Variants in LTB4R observed in about 807,000 individuals in gnomAD.
LTB4R encodes the protein leukotriene B4 receptor.
For missense variants in LTB4R, 470 were observed against 485.6 expected (o/e 0.97, Z 0.30); for synonymous variants, 250 against 230.7 (o/e 1.08, Z -0.76).
Position 24,316,486 on chromosome 14 carries a change from A to C in LTB4R, c.835A>C (p.Ser279Arg), listed in dbSNP as rs1446793612. 2 of 1,555,878 alleles carry C rather than the reference A, an allele frequency of 1.3e-6. No homozygotes were observed. Among genetic ancestry groups the C allele is most frequent in the Non-Finnish European group, 1.7e-6 (2 of 1,153,038 alleles). ...VLIALAFLSSSVNPVLYACAG... is the reference protein window; with the variant it reads ...VLIALAFLSSRVNPVLYACAG... The stretch of plus-strand genomic sequence containing the variant: ...CATCGCACTCGCCTTCCTGAGCAGC[A>C]GCGTGAACCCCGTGCTGTACGCGTG... The change falls in exon 2 of 2, where the codon AGC (serine) becomes CGC (arginine). Residue 279 changes from serine to arginine, a missense_variant. By Grantham distance (110) the Ser-to-Arg change is moderately radical. Transcript: ENST00000345363.
At position 24,315,922 on chromosome 14, in the gene LTB4R, C is replaced by A. The variant is rs754290988; in HGVS notation, c.271C>A (p.Arg91Ser). The A allele has an allele frequency of 1.9e-6, 3 of 1,614,078 alleles. No individual in the cohort carries two copies. Among genetic ancestry groups the A allele is most frequent in the Non-Finnish European group, 2.5e-6 (3 of 1,180,060 alleles). The change falls in exon 2 of 2, where the codon CGC becomes AGC. Residue 91 changes from arginine (R) to serine (S), a missense_variant. Transcript: ENST00000345363. Reference sequence around the variant, plus strand: ...CTGGAGTTTTGGACTGGCTGGTTGCCGCCTGTGTCACTATGTCTGCGGAGT... The same window carrying A: ...CTGGAGTTTTGGACTGGCTGGTTGCAGCCTGTGTCACTATGTCTGCGGAGT... ...GTWSFGLAGC[R>S]LCHYVCGVSM...
rs1334378971 is a variant in LTB4R, at chr14:24,315,949, A to G, written c.298A>G (p.Ser100Gly). The G allele has an allele frequency of 1.2e-6, 2 of 1,613,986 alleles. No homozygotes were observed. The highest frequency in any genetic ancestry group is 1.3e-5 in the African/African-American group (1 of 74,936). ...CRLCHYVCGVSMYASVLLITA... is the reference protein window; with the variant it reads ...CRLCHYVCGVGMYASVLLITA... Reference sequence around the variant, plus strand: ...CCTGTGTCACTATGTCTGCGGAGTCAGCATGTACGCCAGCGTCCTGCTTAT... The same window carrying G: ...CCTGTGTCACTATGTCTGCGGAGTCGGCATGTACGCCAGCGTCCTGCTTAT... The change falls in exon 2 of 2, where the codon AGC (serine) becomes GGC (glycine). Residue 100 changes from serine to glycine, a missense_variant. Physicochemically the swap from Ser to Gly is moderately conservative, Grantham distance 56 (BLOSUM62 0). Coordinates refer to ENST00000345363, the MANE Select transcript of LTB4R (RefSeq NM_001143919.3).
chr14:24,315,448 A>G (rs907407536), intron 1 of LTB4R, among the ~76,000 whole-genome samples, 189 bp from the exon 2 acceptor site: 10 of 152,082 alleles, frequency 6.6e-5, no homozygotes, highest in African/African-American at 2.4e-4. Context: ...CAGTTAGGAA[A>G]CTAGTCTTTG....
In LTB4R at chr14:24,316,123, G is replaced by A; in HGVS notation, c.472G>A (p.Val158Ile). 1 of 1,613,788 alleles carries A rather than the reference G, an allele frequency of 6.2e-7. No individual in the cohort carries two copies. Among genetic ancestry groups the A allele is most frequent in the Non-Finnish European group, 8.5e-7 (1 of 1,180,048 alleles). Reference protein sequence around the residue: ...LATPVLAYRTVVPWKTNMSLC... With the variant: ...LATPVLAYRTIVPWKTNMSLC... ...CACACCCGTCCTCGCGTACCGCACA[G>A]TAGTGCCCTGGAAAACGAACATGAG... Residue 158 changes from valine (V) to isoleucine (I), a missense_variant, in exon 2 of 2, where the codon GTA becomes ATA. Transcript: ENST00000345363.
intron 1 of LTB4R, among the ~76,000 whole-genome samples, chr14:24,312,363 C>T (rs1045122370): frequency 1.3e-5 from 2 of 152,166 alleles, no homozygotes; most frequent in Non-Finnish European, 2.9e-5. Flanking sequence ...AGGAAGTTTT[C>T]CTGCCTGTCT....
chr14:24,313,312 C>T (rs1295134049), intron 1 of LTB4R: 1 of 152,134 alleles, frequency 6.6e-6, no homozygotes, highest in Non-Finnish European at 1.5e-5. Flanking sequence ...TTGCACATTG[C>T]CATTCTCTCA....
Position 24,316,854 on chromosome 14 carries a change from G to A in LTB4R, c.*144G>A, listed in dbSNP as rs1046587. ...GAGTGGAGTGGAAGAAGAGGGAGAG[G>A]TGGAGCAAAGTGAGGGCCGAGTGAG... On this transcript the variant is annotated 3_prime_UTR_variant, in exon 2 of 2. Transcript: ENST00000345363. 0.44 allele frequency: 273,719 copies of A among 624,980 alleles called. 63,856 individuals carry two copies. The highest frequency in any genetic ancestry group is 0.53 in the Middle Eastern group (1,120 of 2,120). The allele number at this position is 624,980 out of a possible 1,614,324, so 38.7% of individuals were successfully genotyped here.
chr14:24,316,512 C>T lies in LTB4R; in HGVS notation c.861C>T (p.Cys287=), dbSNP rs1334360287. Reference sequence around the variant, plus strand: ...GCGTGAACCCCGTGCTGTACGCGTGCGCCGGCGGCGGCCTGCTGCGCTCGG... The same window carrying T: ...GCGTGAACCCCGTGCTGTACGCGTGTGCCGGCGGCGGCCTGCTGCGCTCGG... The part of the protein sequence containing the change: ...SSSVNPVLYA[C]AGGGLLRSAG... Residue 287 remains cysteine, a synonymous_variant, in exon 2 of 2, where the codon TGC becomes TGT. Transcript: ENST00000345363. 1.3e-6 allele frequency: 2 copies of T among 1,487,938 alleles called. No individual in the cohort carries two copies. Among genetic ancestry groups the T allele is most frequent in the Admixed American group, 2.5e-5 (1 of 39,438 alleles). 92.2% of individuals were successfully genotyped at this position (1,487,938 alleles called of 1,614,324 possible).
intron 1 of LTB4R, among the ~76,000 whole-genome samples, chr14:24,313,155 G>A (rs1332499540): frequency 1.3e-5 from 2 of 152,118 alleles, no homozygotes. Flanking sequence ...ATGCGGGTGG[G>A]GAACAGCTTG....
rs1183107252 is a variant in LTB4R at position 24,316,497 on chromosome 14, C to T, written c.846C>T (p.Pro282=). The T allele has an allele frequency of 3.2e-6, 5 of 1,539,008 alleles. No homozygotes were observed. The highest frequency in any genetic ancestry group is 2.0e-5 in the Admixed American group (1 of 48,860). Residue 282 remains proline, a synonymous_variant, in exon 2 of 2, where the codon CCC becomes CCT. Coordinates refer to ENST00000345363, the MANE Select transcript of LTB4R (RefSeq NM_001143919.3). ...ALAFLSSSVN[P]VLYACAGGGL... is the part of the protein sequence containing the mutation. ...CCTTCCTGAGCAGCAGCGTGAACCCCGTGCTGTACGCGTGCGCCGGCGGCG... is the reference window on the plus strand; with the variant it reads ...CCTTCCTGAGCAGCAGCGTGAACCCTGTGCTGTACGCGTGCGCCGGCGGCG...
Position 24,316,604 on chromosome 14 carries a change from G to C in LTB4R, c.953G>C (p.Gly318Ala). The C allele has an allele frequency of 6.8e-7, 1 of 1,469,432 alleles. No homozygotes were observed. The allele number at this position is 1,469,432 out of a possible 1,614,324, so 91.0% of individuals were successfully genotyped here. A position where few individuals can be genotyped will look rare whatever the true frequency, so the allele number is the denominator to read the frequency against. ...TCCGAGGCGTCCAGCACGCGCCGCG[G>C]GGGCAGCCTGGGCCAGACCGCTAGG... ...TGSEASSTRRGGSLGQTARSG... is the reference protein window; with the variant it reads ...TGSEASSTRRAGSLGQTARSG... The change falls in exon 2 of 2, where the codon GGG becomes GCG. Residue 318 changes from glycine to alanine, a missense_variant. By Grantham distance (60) the Gly-to-Ala change is moderately conservative (BLOSUM62 0). Coordinates refer to ENST00000345363, the MANE Select transcript of LTB4R (RefSeq NM_001143919.3).
chr14:24,317,874 T>G lies in LTB4R; in HGVS notation c.*1164T>G, dbSNP rs998336861. Reference sequence around the variant, plus strand: ...AGATCCCCAAGCTGTCTACAGATCCTTACTGGAAGGTATGGTGCACCAATT... The same window carrying G: ...AGATCCCCAAGCTGTCTACAGATCCGTACTGGAAGGTATGGTGCACCAATT... On this transcript the variant is annotated 3_prime_UTR_variant, in exon 2 of 2. Transcript: ENST00000345363. The G allele has an allele frequency of 1.1e-5, 2 of 177,302 alleles. No individual in the cohort carries two copies. The highest frequency in any genetic ancestry group is 2.7e-5 in the Non-Finnish European group (2 of 73,496). The allele number at this position is 177,302 out of a possible 1,614,324, so 11.0% of individuals were successfully genotyped here.
Position 24,316,213 on chromosome 14 carries a change from AC to A in LTB4R, c.563del (p.Thr188ArgfsTer17). ...CTTCCATCTAATCTTCGAGGCTGTC[AC>A]GGGCTTCCTGCTGCCCTTCCTGGCT... ...RAFHLIFEAVTGFLLPFLAVV... is the reference protein window; with the variant it reads ...RAFHLIFEAVXGFLLPFLAVV... On this transcript the variant is annotated frameshift_variant, in exon 2 of 2. Coordinates refer to ENST00000345363, the MANE Select transcript of LTB4R (RefSeq NM_001143919.3). LOFTEE classifies it low-confidence loss of function (END_TRUNC). The A allele has an allele frequency of 6.2e-7, 1 of 1,613,726 alleles. No homozygotes were observed. The highest frequency in any genetic ancestry group is 8.5e-7 in the Non-Finnish European group (1 of 1,180,030).
rs1258828825 is a variant in LTB4R at position 24,317,966 on chromosome 14, A to G, written c.*1256A>G. The G allele has an allele frequency of 1.1e-5, 2 of 187,960 alleles. No individual in the cohort carries two copies. The highest frequency in any genetic ancestry group is 5.5e-5 in the Admixed American group (1 of 18,190). 11.6% of individuals were successfully genotyped at this position (187,960 alleles called of 1,614,324 possible). ...TTCCCAGTCCTCTCGCCCATTCTGTATGGTGAGCACATAATAGGTACTTAT... is the reference window on the plus strand; with the variant it reads ...TTCCCAGTCCTCTCGCCCATTCTGTGTGGTGAGCACATAATAGGTACTTAT... On this transcript the variant is annotated 3_prime_UTR_variant, in exon 2 of 2. Coordinates refer to ENST00000345363, the MANE Select transcript of LTB4R (RefSeq NM_001143919.3).
intron 1 of LTB4R, among the ~76,000 whole-genome samples, chr14:24,312,816 C>T (rs1051999817): frequency 7.9e-5 from 12 of 152,278 alleles, no homozygotes; most frequent in Middle Eastern, 3.4e-3. Flanking sequence ...TCTGTGGTCA[C>T]TAAGGTGACC....
In LTB4R at chr14:24,311,576, C is replaced by G; in HGVS notation, c.-244C>G. ...TGCCCCGGGCAGGTCCCCGTTTCCTCACGCGGCTCTTCGAAGGCTCTGGGG... is the reference window on the plus strand; with the variant it reads ...TGCCCCGGGCAGGTCCCCGTTTCCTGACGCGGCTCTTCGAAGGCTCTGGGG... On this transcript the variant is annotated 5_prime_UTR_variant, in exon 1 of 2. Transcript: ENST00000345363. 6.2e-7 allele frequency: 1 copy of G among 1,611,034 alleles called. No homozygotes were observed. The highest frequency in any genetic ancestry group is 8.5e-7 in the Non-Finnish European group (1 of 1,180,014).
At position 24,315,620 on chromosome 14, in the gene LTB4R, C is replaced by T. The variant is rs1023623664; in HGVS notation, c.-15-17C>T. On this transcript the variant is annotated splice_polypyrimidine_tract_variant and intron_variant, in intron 1 of 1. Coordinates refer to ENST00000345363, the MANE Select transcript of LTB4R (RefSeq NM_001143919.3). ...TGGTCCTCTACTCTCATGCGTGTGTCCGCCCTCACTCTCCAGGTCCTCCCG... is the reference window on the plus strand; with the variant it reads ...TGGTCCTCTACTCTCATGCGTGTGTTCGCCCTCACTCTCCAGGTCCTCCCG... 5 of 1,554,594 alleles carry T rather than the reference C, an allele frequency of 3.2e-6. No individual in the cohort carries two copies. The highest frequency in any genetic ancestry group is 1.1e-5 in the South Asian group (1 of 87,120).
In LTB4R at chr14:24,311,610, G is replaced by A. The variant is rs751833823; in HGVS notation, c.-210G>A. The A allele has an allele frequency of 4.9e-5, 79 of 1,612,664 alleles. No individual in the cohort carries two copies. The highest frequency in any genetic ancestry group is 6.5e-5 in the Non-Finnish European group (77 of 1,180,032). On this transcript the variant is annotated 5_prime_UTR_variant, in exon 1 of 2. Transcript: ENST00000345363. ...CTTCGAAGGCTCTGGGGAGGCCCGAGGGGGCGGCCGCTCTAGGGAAGGGAC... is the reference window on the plus strand; with the variant it reads ...CTTCGAAGGCTCTGGGGAGGCCCGAAGGGGCGGCCGCTCTAGGGAAGGGAC...
In LTB4R at chr14:24,316,055, G is replaced by A. The variant is rs372396583; in HGVS notation, c.404G>A (p.Arg135Gln). 3.1e-6 allele frequency: 5 copies of A among 1,613,092 alleles called. No homozygotes were observed. Among genetic ancestry groups the A allele is most frequent in the African/African-American group, 1.3e-5 (1 of 74,944 alleles). Reference sequence around the variant, plus strand: ...AAGCTACGCACCAAGGCGATGGCCCGGCGGGTGCTGGCAGGCATCTGGGTG... The same window carrying A: ...AAGCTACGCACCAAGGCGATGGCCCAGCGGGTGCTGGCAGGCATCTGGGTG... Reference protein sequence around the residue: ...SQKLRTKAMARRVLAGIWVLS... With the variant: ...SQKLRTKAMAQRVLAGIWVLS... Residue 135 changes from arginine (R) to glutamine (Q), a missense_variant, in exon 2 of 2, where the codon CGG becomes CAG. Arg to Gln is a conservative substitution (Grantham distance 43, BLOSUM62 1). Transcript: ENST00000345363.
Sources: allele counts gnomAD v4.1 joint callset (sites outside exome capture counted in the v4.1 genomes callset), GRCh38; gene constraint gnomAD v4.1.1; transcripts MANE v1.5; gene names NCBI Gene and HGNC (gene_info 2026-07-23, HGNC 2026-07-21).